NR6A1: variants seen among roughly 807,000 people sequenced by gnomAD.
NR6A1 encodes nuclear receptor subfamily 6 group A member 1, also known as retinoic acid receptor-related testis-associated receptor.
In NR6A1, 7 loss-of-function variants were observed where a neutral mutation model predicts 59.1. That is an observed-to-expected ratio of 0.12 (90% confidence interval 0.07 to 0.22). NR6A1 has a LOEUF of 0.22. NR6A1 is among the 10% of genes least tolerant of loss of function. The pLI, the probability that NR6A1 is intolerant of heterozygous loss-of-function variation, is 1.00. For synonymous variants in NR6A1, 243 were observed against 236.1 expected (o/e 1.03, Z -0.27); for missense variants, 468 against 611.6 (o/e 0.77, Z 2.48).
intron 2 of NR6A1, among the ~76,000 whole-genome samples, chr9:124,694,070 A>T (rs764038563): frequency 6.6e-6 from 1 of 152,218 alleles, no homozygotes; most frequent in Non-Finnish European, 1.5e-5. Flanking sequence ...TCTAAACAGA[A>T]TCATATGCTT....
At chr9:124,572,485 G>C (rs936754395) in intron 2 of NR6A1, among the ~76,000 whole-genome samples, 3 of 152,158 alleles carry the variant, frequency 2.0e-5, no homozygotes, top group Middle Eastern at 3.2e-3. Flanking sequence ...CCTCCATTTT[G>C]CAAGTGAGGA....
chr9:124,757,417 A>C (rs1156782261), intron 1 of NR6A1, among the ~76,000 whole-genome samples: 1 of 152,026 alleles, frequency 6.6e-6, no homozygotes, highest in African/African-American at 2.4e-5. Context: ...AATTAAACAA[A>C]AAGCAGAAAA....
At chr9:124,757,597 C>A (rs1840670024) in intron 1 of NR6A1, among the ~76,000 whole-genome samples, 1 of 152,090 alleles carries the variant, frequency 6.6e-6, no homozygotes, top group Admixed American at 6.6e-5. Context: ...TTTAAAAACA[C>A]TGGATTCTTA....
intron 2 of NR6A1, among the ~76,000 whole-genome samples, chr9:124,673,582 G>A (rs986712014): frequency 3.9e-5 from 6 of 152,194 alleles, no homozygotes; most frequent in African/African-American, 1.4e-4. Flanking sequence ...GCTTAAAAAT[G>A]CCCCACTATG....
intron 2 of NR6A1, among the ~76,000 whole-genome samples, chr9:124,646,479 G>A (rs1052184848): frequency 2.0e-5 from 3 of 152,186 alleles, no homozygotes; most frequent in Non-Finnish European, 4.4e-5. Context: ...ACCTCACTAT[G>A]GATCCTATAG....
chr9:124,541,002 ATG>A (rs1397971366), intron 4 of NR6A1, among the ~76,000 whole-genome samples: 1 of 152,196 alleles, frequency 6.6e-6, no homozygotes, highest in Non-Finnish European at 1.5e-5. Context: ...AAATATTTAA[ATG>A]TAAGACCTAA....
At chr9:124,612,122 T>C (rs1588708950) in intron 2 of NR6A1, among the ~76,000 whole-genome samples, 1 of 152,258 alleles carries the variant, frequency 6.6e-6, no homozygotes. Flanking sequence ...GCTCCTTGTG[T>C]CCCAGAACCT....
At chr9:124,587,112 A>G (rs1834959765) in intron 2 of NR6A1, among the ~76,000 whole-genome samples, 1 of 152,266 alleles carries the variant, frequency 6.6e-6, no homozygotes, top group South Asian at 2.1e-4. Flanking sequence ...TCAACACTGC[A>G]GCAAGATCTC....
At chr9:124,731,114 G>A (rs549324618) in intron 2 of NR6A1, among the ~76,000 whole-genome samples, 16 of 152,232 alleles carry the variant, frequency 1.1e-4, no homozygotes, top group African/African-American at 3.6e-4. Context: ...GTTCACGCCT[G>A]TAATCCTAGC....
At chr9:124,699,088 G>A (rs1259096660) in intron 2 of NR6A1, among the ~76,000 whole-genome samples, 1 of 152,160 alleles carries the variant, frequency 6.6e-6, no homozygotes, top group Non-Finnish European at 1.5e-5. Flanking sequence ...CCCTGTTTAA[G>A]TCTTACTTCT....
chr9:124,770,571 CGAGT>C (rs1161749182), intron 1 of NR6A1, among the ~76,000 whole-genome samples: 3 of 147,172 alleles, frequency 2.0e-5, no homozygotes, highest in Non-Finnish European at 4.5e-5. Flanking sequence ...TAAGGGAACC[CGAGT>C]GAGGGGATGC....
chr9:124,754,287 C>A (rs183111580), intron 1 of NR6A1, among the ~76,000 whole-genome samples: 1 of 152,238 alleles, frequency 6.6e-6, no homozygotes, highest in East Asian at 1.9e-4. Context: ...TGAGATAATT[C>A]CAAGTCAACT....
chr9:124,655,876 T>G (rs369197785), intron 2 of NR6A1, among the ~76,000 whole-genome samples: 1 of 152,270 alleles, frequency 6.6e-6, no homozygotes, highest in African/African-American at 2.4e-5. Flanking sequence ...AGCAAAAAAG[T>G]GGAAGCTACT....
At position 124,584,395 on chromosome 9, in the gene NR6A1, C is replaced by T. The variant is rs542346084; in HGVS notation, c.143-29825G>A. On this transcript the variant is annotated intron_variant, in intron 2 of 9. Transcript: ENST00000487099. ...GCTGGGATTACAGTGTGAGCCACCG[C>T]GCCCAGCCACTTTATTGCATTTTTT... Among the ~76,000 whole-genome samples the T allele has an allele frequency of 4.6e-5, 7 of 152,218 alleles. No homozygotes were observed. In the South Asian group the frequency reaches 1.2e-3, roughly 27 times the overall value.
At chr9:124,630,818 A>AC (rs1461459569) in intron 2 of NR6A1, among the ~76,000 whole-genome samples, 2 of 151,052 alleles carry the variant, frequency 1.3e-5, no homozygotes, top group African/African-American at 4.9e-5. Context: ...GGCTGGGATT[A>AC]CAGGTATGGG....
At chr9:124,528,791 C>A (rs1043199184) in intron 7 of NR6A1, among the ~76,000 whole-genome samples, 2 of 152,096 alleles carry the variant, frequency 1.3e-5, no homozygotes, top group Non-Finnish European at 2.9e-5. Flanking sequence ...CCTCCCCCAA[C>A]AAAAAACCAG....
At chr9:124,574,415 T>A (rs1240515607) in intron 2 of NR6A1, among the ~76,000 whole-genome samples, 1 of 152,146 alleles carries the variant, frequency 6.6e-6, no homozygotes, top group Non-Finnish European at 1.5e-5. Flanking sequence ...CTTAGCAGAG[T>A]CATTTAACTC....
intron 2 of NR6A1, among the ~76,000 whole-genome samples, chr9:124,727,506 A>G (rs1220824251): frequency 3.9e-5 from 6 of 152,344 alleles, no homozygotes; most frequent in Non-Finnish European, 7.3e-5. Flanking sequence ...TAAGGGTTCC[A>G]TTACGTTAAC....
chr9:124,582,891 G>T (rs759698373), intron 2 of NR6A1, among the ~76,000 whole-genome samples: 3 of 152,120 alleles, frequency 2.0e-5, no homozygotes, highest in Non-Finnish European at 4.4e-5. Context: ...AAAAAAGAAA[G>T]AAAATGGTTT....
Sources: gnomAD v4.1 joint callset for allele counts (sites outside exome capture counted in the v4.1 genomes callset) on GRCh38, gnomAD v4.1.1 for gene constraint, MANE v1.5 for transcripts, NCBI Gene and HGNC (gene_info 2026-07-23, HGNC 2026-07-21) for gene names.